Variants in NAV2 observed in about 807,000 individuals in gnomAD.
NAV2 encodes helicase, APC down-regulated 1.
A neutral mutation model predicts 223.2 loss-of-function variants in NAV2; 54 were observed. That is an observed-to-expected ratio of 0.24 (90% CI 0.19 to 0.30). The LOEUF (loss-of-function observed/expected upper bound fraction) is 0.30, where lower values mean the gene tolerates loss of function less well. Among genes scored for constraint, NAV2 ranks in the 10% least tolerant of loss-of-function variants. The pLI, the probability that NAV2 is intolerant of heterozygous loss-of-function variation, is 1.00. For missense variants in NAV2, 2,806 were observed against 3,147.5 expected, an observed-to-expected ratio of 0.89 and a Z score of 2.60; for synonymous variants, 1,279 against 1,239.3, an observed-to-expected ratio of 1.03 and a Z score of -0.67.
At chr11:19,547,612 C>A (rs2134607428) in intron 1 of NAV2, among the ~76,000 whole-genome samples, 1 of 152,256 alleles carries the variant, frequency 6.6e-6, no homozygotes, top group South Asian at 2.1e-4. Flanking sequence ...TTTGGTCTCT[C>A]TAGTTTTTCT....
rs16937053 is a variant in NAV2 at position 19,616,927 on chromosome 11, T to C, written c.76-215557T>C. ...CTGCCTTTGCCATGTACTCATCATT[T>C]AATACTAAGACAGGGAAAATTACTT... On this transcript the variant is annotated intron_variant, in intron 1 of 37. Coordinates refer to the NAV2 transcript ENST00000360655. Among the ~76,000 whole-genome samples, 434 of 152,152 alleles carry C rather than the reference T, an allele frequency of 2.9e-3. 4 individuals are homozygous for C. The highest frequency in any genetic ancestry group is 0.01 in the African/African-American group (416 of 41,518).
chr11:20,010,397 G>A (rs1020920143), intron 11 of NAV2, among the ~76,000 whole-genome samples: 2 of 152,192 alleles, frequency 1.3e-5, no homozygotes, highest in African/African-American at 2.4e-5. Context: ...ATGGCACTGC[G>A]TCTGCTGTGC....
intron 1 of NAV2, among the ~76,000 whole-genome samples, chr11:19,597,080 T>C (rs769738904): frequency 6.6e-6 from 1 of 152,202 alleles, no homozygotes; most frequent in Non-Finnish European, 1.5e-5. Context: ...TGGATCCAAC[T>C]CTGGCTTCAC....
intron 1 of NAV2, among the ~76,000 whole-genome samples, chr11:19,628,523 C>T (rs2047242179): frequency 2.0e-5 from 3 of 152,138 alleles, no homozygotes. Flanking sequence ...ATTCGAAAGC[C>T]TCTCAGAAAT....
intron 1 of NAV2, among the ~76,000 whole-genome samples, chr11:19,776,761 G>T (rs139928439): frequency 2.0e-5 from 3 of 151,648 alleles, no homozygotes; most frequent in Admixed American, 6.6e-5. Flanking sequence ...GTCAACTTGC[G>T]TGAGTTCTGT....
chr11:19,798,578 C>T (rs1390732407), intron 1 of NAV2, among the ~76,000 whole-genome samples: 1 of 152,154 alleles, frequency 6.6e-6, no homozygotes, highest in East Asian at 1.9e-4. Context: ...ATGCTTGTTT[C>T]TGACTGTGGA....
intron 7 of NAV2, among the ~76,000 whole-genome samples, chr11:19,936,699 G>T (rs533132564): frequency 1.6e-4 from 24 of 152,326 alleles, no homozygotes; most frequent in African/African-American, 5.1e-4. Context: ...AACAGGTATT[G>T]ATCGAGTGTG....
chr11:19,548,513 G>A (rs1437489568), intron 1 of NAV2, among the ~76,000 whole-genome samples: 5 of 152,090 alleles, frequency 3.3e-5, no homozygotes, highest in Non-Finnish European at 5.9e-5. Flanking sequence ...ATGTGATCCA[G>A]CCCACAACCA....
intron 1 of NAV2, among the ~76,000 whole-genome samples, chr11:19,587,625 GTTAA>G (rs1317039396): frequency 1.3e-5 from 2 of 152,162 alleles, no homozygotes; most frequent in African/African-American, 4.8e-5. Flanking sequence ...GACTTCAAGG[GTTAA>G]TTCATGGCTG....
intron 1 of NAV2, among the ~76,000 whole-genome samples, chr11:19,645,969 C>T (rs958227663): frequency 1.1e-4 from 16 of 152,142 alleles, no homozygotes; most frequent in African/African-American, 3.4e-4. Context: ...ACCATTGCTG[C>T]GGCCAAGAAC....
intron 6 of NAV2, among the ~76,000 whole-genome samples, chr11:19,916,268 C>A (rs185504620): frequency 2.0e-4 from 31 of 152,276 alleles, no homozygotes; most frequent in Non-Finnish European, 3.8e-4. Flanking sequence ...TCTTCCAAGG[C>A]TATACCTGTC....
In NAV2 at chr11:20,120,238, AG is replaced by A. The variant is rs2063403764; in HGVS notation, c.*1984del. 6.6e-6 allele frequency: 1 copy of A among 152,216 alleles called. No homozygotes were observed. Among genetic ancestry groups the A allele is most frequent in the Non-Finnish European group, 1.5e-5 (1 of 68,054 alleles). 9.4% of individuals were successfully genotyped at this position (152,216 alleles called of 1,614,324 possible). ...CATGTTCTTCCTCTTTGAAAAGAAA[AG>A]GGGAATGTGTCCCACTAGTGAAAGG... On this transcript the variant is annotated 3_prime_UTR_variant, in exon 38 of 38. Transcript: ENST00000349880.
At chr11:19,858,914 C>T (rs781082572) in intron 3 of NAV2, among the ~76,000 whole-genome samples, 3 of 152,026 alleles carry the variant, frequency 2.0e-5, no homozygotes, top group South Asian at 2.1e-4. Context: ...TATGAAATTA[C>T]GTGAAGAATG....
chr11:19,670,164 T>G (rs2048539742), intron 1 of NAV2, among the ~76,000 whole-genome samples: 1 of 152,184 alleles, frequency 6.6e-6, no homozygotes, highest in South Asian at 2.1e-4. Flanking sequence ...CTGTTGCCTC[T>G]GCCTAGAACC....
chr11:19,757,005 A>AATGAGCTGGG (rs1555033188), intron 1 of NAV2, among the ~76,000 whole-genome samples: 42 of 101,616 alleles, frequency 4.1e-4, no homozygotes, highest in Non-Finnish European at 8.4e-4. Flanking sequence ...GCTGGGCTGG[A>AATGAGCTGGG]CTGAGCTGGG....
intron 1 of NAV2, among the ~76,000 whole-genome samples, chr11:19,369,565 C>G (rs1848402506): frequency 6.6e-6 from 1 of 152,128 alleles, no homozygotes; most frequent in African/African-American, 2.4e-5. Flanking sequence ...CCTTTGCAAA[C>G]TTTTGTGACT....
intron 10 of NAV2, among the ~76,000 whole-genome samples, chr11:19,954,855 A>ACG (rs61011697): frequency 0.87 from 131,882 of 150,806 alleles, 57,641 homozygotes; most frequent in East Asian, 0.93. Context: ...ATGTGAGTAT[A>ACG]TGTGTGTGTG....
chr11:19,578,861 G>T (rs1331394039), intron 1 of NAV2, among the ~76,000 whole-genome samples: 1 of 152,152 alleles, frequency 6.6e-6, no homozygotes, highest in Non-Finnish European at 1.5e-5. Context: ...GGAAAGGTTT[G>T]CTACCTTTGG....
At position 19,536,031 on chromosome 11, in the gene NAV2, T is replaced by G. The variant is rs201029951; in HGVS notation, c.75+185004T>G. On this transcript the variant is annotated intron_variant, in intron 1 of 37. Coordinates refer to the NAV2 transcript ENST00000360655. ...GCTTCAACCCAGGCTCAGAGGGGGT[T>G]AAGTTACTTGATTAGAGTCACAAAG... Among the ~76,000 whole-genome samples, 16 of 152,326 alleles carry G rather than the reference T, an allele frequency of 1.1e-4. No homozygotes were observed. The East Asian group carries it at 2.1e-3, about 20-fold the overall frequency.
Sources: allele counts gnomAD v4.1 joint callset (sites outside exome capture counted in the v4.1 genomes callset), GRCh38; gene constraint gnomAD v4.1.1; transcripts MANE v1.5; gene names NCBI Gene and HGNC (gene_info 2026-07-23, HGNC 2026-07-21).